PDE1A: variants seen among roughly 807,000 people sequenced by gnomAD.
PDE1A encodes dual specificity calcium/calmodulin-dependent 3',5'-cyclic nucleotide phosphodiesterase 1A.
PDE1A carries 35 observed loss-of-function variants against 61.7 expected under a neutral mutation model. The ratio of observed to expected loss-of-function variants is 0.57; its 90% CI spans 0.43 to 0.75. The LOEUF is 0.75. Among genes scored for constraint, PDE1A ranks in the 30% least tolerant of loss-of-function variants. The pLI, the probability that PDE1A is intolerant of heterozygous loss-of-function variation, is 0.00. For missense variants in PDE1A, 597 were observed against 630.6 expected (o/e 0.95, Z 0.57); for synonymous variants, 232 against 213.2 (o/e 1.09, Z -0.77).
chr2:182,329,671 G>T (rs1025963131), intron 1 of PDE1A, among the ~76,000 whole-genome samples: 3 of 152,120 alleles, frequency 2.0e-5, no homozygotes, highest in Non-Finnish European at 4.4e-5. Context: ...GATTACAGGC[G>T]TGAGCCACCA....
At chr2:182,449,842 A>C (rs140598452) in intron 2 of PDE1A, among the ~76,000 whole-genome samples, 1,977 of 152,138 alleles carry the variant, frequency 0.013, 27 homozygotes, top group South Asian at 0.047. Flanking sequence ...AATAACTACT[A>C]CATAGGGCTG....
intron 1 of PDE1A, among the ~76,000 whole-genome samples, chr2:182,302,600 T>C (rs1481373410): frequency 6.6e-6 from 1 of 152,230 alleles, no homozygotes; most frequent in East Asian, 1.9e-4. Context: ...AGGGAGGTAG[T>C]TGCTGAAGGT....
chr2:182,384,128 T>G (rs1347420619), intron 1 of PDE1A, among the ~76,000 whole-genome samples: 1 of 152,214 alleles, frequency 6.6e-6, no homozygotes, highest in Non-Finnish European at 1.5e-5. Flanking sequence ...TCAGTGGCTC[T>G]GAGCTTCTGG....
At chr2:182,635,182 T>C in the PDE1A span, among the ~76,000 whole-genome samples, 2 of 152,036 alleles carry the variant, frequency 1.3e-5, no homozygotes, top group South Asian at 2.1e-4. Flanking sequence ...CGGTATTTTT[T>C]CTTTAGAATT....
At position 182,450,926 on chromosome 2, in the gene PDE1A, T is replaced by C. The variant is rs115148011; in HGVS notation, c.101+71350A>G. 1.6e-3 allele frequency among the ~76,000 whole-genome samples: 245 copies of C among 152,288 alleles called. 1 individual carries two copies. Among genetic ancestry groups the C allele is most frequent in the African/African-American group, 5.5e-3 (229 of 41,588 alleles). ...ATATCAAAGTACGTGAATCACCATA[T>C]ACAAGTTCTTTCCTTCTGAGAAATC... On this transcript the variant is annotated intron_variant, in intron 2 of 14. Transcript: ENST00000410103.
the PDE1A span, among the ~76,000 whole-genome samples, chr2:182,671,361 T>TTTTTTTTTTC: frequency 7.0e-5 from 8 of 114,282 alleles, no homozygotes; most frequent in Non-Finnish European, 8.9e-5. Flanking sequence ...TTTTTTTTTT[T>TTTTTTTTTTC]GTATTTTTAG....
chr2:182,385,805 C>T (rs1701026059), intron 1 of PDE1A, among the ~76,000 whole-genome samples: 1 of 58,910 alleles, frequency 1.7e-5, no homozygotes, highest in Non-Finnish European at 3.3e-5. Flanking sequence ...CTCTCCCTCT[C>T]CCTCCTCTCC....
At chr2:182,219,248 A>C (rs1688515993) in intron 7 of PDE1A, among the ~76,000 whole-genome samples, 1 of 152,160 alleles carries the variant, frequency 6.6e-6, no homozygotes, top group African/African-American at 2.4e-5. Flanking sequence ...GAATACATCA[A>C]GGGAAGGCTT....
intron 13 of PDE1A, among the ~76,000 whole-genome samples, chr2:182,182,199 A>G (rs1010960692): frequency 2.6e-5 from 4 of 152,246 alleles, no homozygotes; most frequent in Non-Finnish European, 5.9e-5. Flanking sequence ...AAATGATTAT[A>G]TAATTTTACC....
intron 1 of PDE1A, among the ~76,000 whole-genome samples, chr2:182,366,290 G>T (rs1419448356): frequency 5.3e-5 from 8 of 151,994 alleles, no homozygotes; most frequent in African/African-American, 1.9e-4. Context: ...TTATAAACAG[G>T]TGATTGACCA....
At chr2:182,271,254 T>G (rs1342885680) in intron 1 of PDE1A, among the ~76,000 whole-genome samples, 3 of 151,554 alleles carry the variant, frequency 2.0e-5, no homozygotes, top group Non-Finnish European at 4.4e-5. Flanking sequence ...TACTAATCAT[T>G]TCACTGTATA....
chr2:182,493,113 C>G (rs571728080), intron 2 of PDE1A, among the ~76,000 whole-genome samples: 1 of 152,102 alleles, frequency 6.6e-6, no homozygotes, highest in Non-Finnish European at 1.5e-5. Flanking sequence ...CAAAACACTA[C>G]CAGAAACTTA....
the PDE1A span, among the ~76,000 whole-genome samples, chr2:182,621,739 T>C: frequency 6.6e-6 from 1 of 152,198 alleles, no homozygotes; most frequent in Non-Finnish European, 1.5e-5. Flanking sequence ...ATTTATACAA[T>C]TCCTGAGGGT....
chr2:182,349,685 G>A (rs981264999), intron 1 of PDE1A, among the ~76,000 whole-genome samples: 5 of 151,994 alleles, frequency 3.3e-5, no homozygotes, highest in Admixed American at 6.6e-5. Flanking sequence ...GCTTGAATCC[G>A]GGAGGCGGAG....
At chr2:182,268,896 A>T (rs1033346555) in intron 1 of PDE1A, among the ~76,000 whole-genome samples, 1 of 152,092 alleles carries the variant, frequency 6.6e-6, no homozygotes, top group East Asian at 1.9e-4. Context: ...TATAATTTCA[A>T]CTTTTTGATA....
At chr2:182,312,310 G>C (rs376915896) in intron 1 of PDE1A, among the ~76,000 whole-genome samples, 1 of 152,070 alleles carries the variant, frequency 6.6e-6, no homozygotes, top group African/African-American at 2.4e-5. Context: ...AGTTAATGAA[G>C]TCCATCATGT....
At chr2:182,370,944 G>A (rs554450032) in intron 1 of PDE1A, among the ~76,000 whole-genome samples, 22 of 152,230 alleles carry the variant, frequency 1.4e-4, no homozygotes, top group African/African-American at 2.4e-4. Flanking sequence ...GAAAAACTGC[G>A]AAAAGAGGCT....
chr2:182,697,590 G>A, the PDE1A span, among the ~76,000 whole-genome samples: 1 of 152,216 alleles, frequency 6.6e-6, no homozygotes, highest in Admixed American at 6.5e-5. Flanking sequence ...CAGGTGGACA[G>A]GTGATAGTCT....
At chr2:182,618,106 TTACA>T in the PDE1A span, among the ~76,000 whole-genome samples, 4 of 152,220 alleles carry the variant, frequency 2.6e-5, no homozygotes, top group Non-Finnish European at 5.9e-5. Context: ...CATTGTGTTG[TTACA>T]TTTGAGTTTT....
Sources: gnomAD v4.1 joint callset for allele counts (sites outside exome capture counted in the v4.1 genomes callset) on GRCh38, gnomAD v4.1.1 for gene constraint, MANE v1.5 for transcripts, NCBI Gene and HGNC (gene_info 2026-07-23, HGNC 2026-07-21) for gene names.